PAK5: variants seen among roughly 807,000 people sequenced by gnomAD.
PAK5 encodes p21 (RAC1) activated kinase 5, also known as serine/threonine-protein kinase PAK 5.
In PAK5, 16 loss-of-function variants were observed where a neutral mutation model predicts 65.9. The observed-to-expected ratio is 0.24, with a 90% CI of 0.16 to 0.37. PAK5 has a LOEUF of 0.37. Among genes scored for constraint, PAK5 ranks in the 10% least tolerant of loss-of-function variants. The probability of loss-of-function intolerance (pLI) is 1.00; values close to 1 mark genes in which losing one functional copy is unlikely to be tolerated. For missense variants in PAK5, 785 were observed against 903.9 expected, an observed-to-expected ratio of 0.87 and a Z score of 1.69; for synonymous variants, 371 against 354.9, an observed-to-expected ratio of 1.05 and a Z score of -0.51.
chr20:9,557,605 T>G lies in PAK5; in HGVS notation c.1743+3A>C. The G allele has an allele frequency of 6.2e-7, 1 of 1,607,382 alleles. No individual in the cohort carries two copies. The highest frequency in any genetic ancestry group is 8.5e-7 in the Non-Finnish European group (1 of 1,177,114). ...ACGAACGGGCCAAACATGAACATCT[T>G]ACCCGGCCATCGCTTGTCAGGAGGA... On this transcript the variant is annotated splice_donor_region_variant and intron_variant, in intron 7 of 9. Transcript: ENST00000353224.
At chr20:9,693,747 G>T (rs964880637) in intron 2 of PAK5, among the ~76,000 whole-genome samples, 2 of 152,020 alleles carry the variant, frequency 1.3e-5, no homozygotes, top group African/African-American at 4.8e-5. Context: ...ATAAAGATAC[G>T]CATTACGACC....
chr20:9,737,308 GAAAAGGATAGGCTAGAACTAACC>G (rs2123572665), intron 1 of PAK5, among the ~76,000 whole-genome samples: 1 of 152,238 alleles, frequency 6.6e-6, no homozygotes, highest in South Asian at 2.1e-4. Flanking sequence ...TTAAACAATG[GAAAAGGATAGGCTAGAACTAACC>G]AAAAGAAAGT....
chr20:9,808,842 G>T (rs1363094914), intron 1 of PAK5, among the ~76,000 whole-genome samples: 1 of 152,018 alleles, frequency 6.6e-6, no homozygotes, highest in Non-Finnish European at 1.5e-5. Flanking sequence ...GAATATCATT[G>T]AATTGTATAC....
At chr20:9,571,423 C>T (rs1156395233) in intron 4 of PAK5, among the ~76,000 whole-genome samples, 1 of 152,202 alleles carries the variant, frequency 6.6e-6, no homozygotes, top group Non-Finnish European at 1.5e-5. Flanking sequence ...CACAAGGAGA[C>T]GAAACTGCCC....
At chr20:9,782,967 T>C (rs2048957623) in intron 1 of PAK5, among the ~76,000 whole-genome samples, 2 of 151,638 alleles carry the variant, frequency 1.3e-5, no homozygotes, top group African/African-American at 2.4e-5. Flanking sequence ...TTCGCTCTTG[T>C]TGCCCAGGCT....
At chr20:9,548,307 T>A (rs2045374935) in intron 7 of PAK5, among the ~76,000 whole-genome samples, 1 of 152,094 alleles carries the variant, frequency 6.6e-6, no homozygotes, top group African/African-American at 2.4e-5. Context: ...TAGGTATACA[T>A]CAAGGGCTTT....
chr20:9,769,913 A>G (rs1028950769), intron 1 of PAK5, among the ~76,000 whole-genome samples: 12 of 152,252 alleles, frequency 7.9e-5, no homozygotes, highest in African/African-American at 2.9e-4. Context: ...ATTAGCTAGT[A>G]GAAGAATATA....
intron 1 of PAK5, among the ~76,000 whole-genome samples, chr20:9,731,515 C>T (rs2048334832): frequency 6.6e-6 from 1 of 152,102 alleles, no homozygotes; most frequent in Non-Finnish European, 1.5e-5. Flanking sequence ...GCATTCAAGT[C>T]TAGAGGAACT....
At chr20:9,581,964 G>A (rs534788033) in intron 3 of PAK5, among the ~76,000 whole-genome samples, 1 of 152,288 alleles carries the variant, frequency 6.6e-6, no homozygotes, top group Non-Finnish European at 1.5e-5. Flanking sequence ...AAGTTGTCCT[G>A]GAGCTGATGT....
At chr20:9,723,147 T>A (rs961408508) in intron 1 of PAK5, among the ~76,000 whole-genome samples, 2 of 152,144 alleles carry the variant, frequency 1.3e-5, no homozygotes, top group African/African-American at 4.8e-5. Flanking sequence ...TTCCTTGGAA[T>A]TGGTGGAAAC....
intron 2 of PAK5, 37 bp from the exon 3 acceptor site, chr20:9,644,376 A>G: frequency 7.1e-7 from 1 of 1,399,374 alleles, no homozygotes; most frequent in Non-Finnish European, 1.0e-6. Flanking sequence ...AGCCATTTAT[A>G]TCTTGCCAGC....
chr20:9,735,882 CAT>C (rs903892129), intron 1 of PAK5, among the ~76,000 whole-genome samples: 3 of 150,162 alleles, frequency 2.0e-5, no homozygotes, highest in African/African-American at 7.4e-5. Flanking sequence ...AACTTTGAGA[CAT>C]AGCAATAGAA....
intron 3 of PAK5, among the ~76,000 whole-genome samples, chr20:9,606,454 T>A (rs1314610574): frequency 6.6e-6 from 1 of 152,088 alleles, no homozygotes; most frequent in African/African-American, 2.4e-5. Context: ...AATACACAGG[T>A]GCTTGTCAAG....
chr20:9,730,886 T>G (rs1231356154), intron 1 of PAK5, among the ~76,000 whole-genome samples: 1 of 152,222 alleles, frequency 6.6e-6, no homozygotes, highest in Non-Finnish European at 1.5e-5. Flanking sequence ...TGCCAATGGT[T>G]AACAGGAAAC....
chr20:9,568,376 T>C (rs1044279036), intron 4 of PAK5, among the ~76,000 whole-genome samples: 3 of 152,082 alleles, frequency 2.0e-5, no homozygotes, highest in African/African-American at 7.2e-5. Context: ...GGTGAGATCT[T>C]GAAAGACAGG....
At position 9,711,406 on chromosome 20, in the gene PAK5, G is replaced by T. The variant is rs1396548462; in HGVS notation, c.-132C>A. 1 of 152,072 alleles carries T rather than the reference G, an allele frequency of 6.6e-6. No homozygotes were observed. Among genetic ancestry groups the T allele is most frequent in the African/African-American group, 2.4e-5 (1 of 41,410 alleles). 9.4% of individuals were successfully genotyped at this position (152,072 alleles called of 1,614,324 possible). On this transcript the variant is annotated 5_prime_UTR_variant, in exon 2 of 10. Coordinates refer to ENST00000353224, the MANE Select transcript of PAK5 (RefSeq NM_177990.4). ...TTTTCCTCAGTGTTCATTTTAGCAA[G>T]AGGTGGAAGCATTTCACCACAGTGT...
intron 1 of PAK5, among the ~76,000 whole-genome samples, chr20:9,824,415 A>G (rs563744262): frequency 1.4e-4 from 21 of 152,196 alleles, no homozygotes; most frequent in Non-Finnish European, 2.9e-4. Flanking sequence ...AAAAGCAGTT[A>G]TGGTTTATCT....
chr20:9,653,419 T>C (rs545387967), intron 2 of PAK5, among the ~76,000 whole-genome samples: 2 of 152,222 alleles, frequency 1.3e-5, no homozygotes, highest in Non-Finnish European at 2.9e-5. Flanking sequence ...CCAAAGCTCC[T>C]CTTGGATTAT....
intron 3 of PAK5, among the ~76,000 whole-genome samples, chr20:9,620,786 G>A (rs2046753564): frequency 6.6e-6 from 1 of 152,058 alleles, no homozygotes; most frequent in South Asian, 2.1e-4. Flanking sequence ...ATCTCAATGG[G>A]GAATTGACAG....
Sources: allele counts gnomAD v4.1 joint callset (sites outside exome capture counted in the v4.1 genomes callset), GRCh38; gene constraint gnomAD v4.1.1; transcripts MANE v1.5; gene names NCBI Gene and HGNC (gene_info 2026-07-23, HGNC 2026-07-21).